Variants in TOPAZ1 observed in about 807,000 individuals in gnomAD.
TOPAZ1 encodes the protein protein TOPAZ1.
A neutral mutation model predicts 172.2 loss-of-function variants in TOPAZ1; 66 were observed. The observed-to-expected ratio is 0.38, with a 90% confidence interval of 0.31 to 0.47. The LOEUF (loss-of-function observed/expected upper bound fraction) is 0.47. Ranked by LOEUF, TOPAZ1 falls within the 20% of genes least tolerant of loss-of-function variation. The pLI is 0.99. For missense variants in TOPAZ1, 1,822 were observed against 1,972.4 expected (o/e 0.92, Z 1.44); for synonymous variants, 681 against 683.9 (o/e 1.00, Z 0.07).
intron 6 of TOPAZ1, among the ~76,000 whole-genome samples, chr3:44,267,618 A>C (rs965405522): frequency 6.6e-6 from 1 of 152,124 alleles, no homozygotes; most frequent in Non-Finnish European, 1.5e-5. Flanking sequence ...TGATGGAACA[A>C]CGTGTGAAAT....
chr3:44,318,438 T>G (rs1009186325), intron 16 of TOPAZ1, among the ~76,000 whole-genome samples: 3 of 132,708 alleles, frequency 2.3e-5, no homozygotes, highest in Non-Finnish European at 4.6e-5. Context: ...GGTGACAGAC[T>G]GAGACTCCAT....
chr3:44,270,078 G>A (rs1699879168), intron 7 of TOPAZ1, among the ~76,000 whole-genome samples: 1 of 152,190 alleles, frequency 6.6e-6, no homozygotes, highest in Admixed American at 6.5e-5. Context: ...AGAAAAAACA[G>A]GCTGAATACT....
intron 2 of TOPAZ1, among the ~76,000 whole-genome samples, chr3:44,250,244 A>T (rs1490323297): frequency 1.4e-4 from 3 of 21,224 alleles, no homozygotes. Flanking sequence ...ATGAAATGAC[A>T]AAAAAAAAAA....
At chr3:44,315,309 A>G (rs1018311535) in intron 16 of TOPAZ1, among the ~76,000 whole-genome samples, 14 of 152,162 alleles carry the variant, frequency 9.2e-5, no homozygotes, top group African/African-American at 3.4e-4. Context: ...ATAAGCATAT[A>G]AACAATGTTA....
At chr3:44,298,957 C>T (rs1700237641) in intron 12 of TOPAZ1, among the ~76,000 whole-genome samples, 1 of 104,592 alleles carries the variant, frequency 9.6e-6, no homozygotes, top group South Asian at 4.3e-4. Flanking sequence ...GAGTCTTGCT[C>T]TGTCACACAG....
chr3:44,242,341 C>T lies in TOPAZ1; in HGVS notation c.288C>T (p.Asp96=). The T allele has an allele frequency of 6.4e-7, 1 of 1,552,330 alleles. No individual in the cohort carries two copies. Among genetic ancestry groups the T allele is most frequent in the East Asian group, 2.4e-5 (1 of 40,920 alleles). The change falls in exon 1 of 20, where the codon GAC becomes GAT. Residue 96 remains aspartate, a synonymous_variant. Transcript: ENST00000309765. ...CGGTGAGCCCGTCAGACTCGTCAGA[C>T]CCGCGAGGCCTAGAAGCAGCAAAGG... ...RGPVSPSDSS[D]PRGLEAAKEA... is the part of the protein sequence containing the mutation.
chr3:44,312,977 G>A (rs770742302), intron 16 of TOPAZ1, among the ~76,000 whole-genome samples: 3 of 151,978 alleles, frequency 2.0e-5, no homozygotes, highest in Non-Finnish European at 4.4e-5. Flanking sequence ...TTGTTATACC[G>A]ACACTTTTAT....
In TOPAZ1 at chr3:44,290,843, G is replaced by C; in HGVS notation, c.3754G>C (p.Ala1252Pro). The C allele has an allele frequency of 6.5e-7, 1 of 1,549,574 alleles. No homozygotes were observed. The highest frequency in any genetic ancestry group is 8.7e-7 in the Non-Finnish European group (1 of 1,146,442). The change falls in exon 12 of 20, where the codon GCT becomes CCT. Residue 1252 changes from alanine to proline, a missense_variant. By Grantham distance (27) the Ala-to-Pro change is conservative. This residue lies in a region of TOPAZ1 where 1,489 missense variants were observed against 1,490.8 expected (regional missense o/e 1.00). Coordinates refer to ENST00000309765, the MANE Select transcript of TOPAZ1 (RefSeq NM_001145030.2). ...TGTTAAGCTTTTATACCAAGTACAAGCTTCCAAACAAGAAATAACTGCAGT... is the reference window on the plus strand; with the variant it reads ...TGTTAAGCTTTTATACCAAGTACAACCTTCCAAACAAGAAATAACTGCAGT... ...YIVKLLYQVQASKQEITAVLE... is the reference protein window; with the variant it reads ...YIVKLLYQVQPSKQEITAVLE...
Position 44,244,784 on chromosome 3 carries a change from T to C in TOPAZ1, c.2278T>C (p.Ser760Pro), listed in dbSNP as rs1167280819. ...SVTPVQASSD[S>P]FYNKKSYSIS... is the part of the protein sequence containing the mutation. ...AACTCCAGTGCAAGCTAGTTCTGAC[T>C]CATTCTACAATAAGAAATCCTATAG... Residue 760 changes from serine (S) to proline (P), a missense_variant, in exon 2 of 20, where the codon TCA becomes CCA. Around this residue, in one of 2 missense-constraint regions of TOPAZ1, gnomAD observed 1,489 missense variants for 1,490.8 expected, o/e 1.00. Coordinates refer to ENST00000309765, the MANE Select transcript of TOPAZ1 (RefSeq NM_001145030.2). 2 of 1,551,606 alleles carry C rather than the reference T, an allele frequency of 1.3e-6. No homozygotes were observed. The highest frequency in any genetic ancestry group is 2.4e-5 in the East Asian group (1 of 40,894).
At chr3:44,292,489 C>A (rs573849194) in intron 12 of TOPAZ1, among the ~76,000 whole-genome samples, 12 of 152,238 alleles carry the variant, frequency 7.9e-5, no homozygotes, top group African/African-American at 2.9e-4. Flanking sequence ...AATCTCGCAC[C>A]AGATTCAGTA....
intron 18 of TOPAZ1, among the ~76,000 whole-genome samples, chr3:44,326,506 G>T (rs1367189328): frequency 2.0e-5 from 3 of 151,224 alleles, no homozygotes; most frequent in African/African-American, 7.3e-5. Flanking sequence ...GGGTTTTTTT[G>T]GTTGTAAGAG....
chr3:44,243,311 G>T lies in TOPAZ1; in HGVS notation c.805G>T (p.Ala269Ser). 1.3e-6 allele frequency: 2 copies of T among 1,551,450 alleles called. No homozygotes were observed. The highest frequency in any genetic ancestry group is 1.7e-6 in the Non-Finnish European group (2 of 1,146,912). Residue 269 changes from alanine to serine, a missense_variant, in exon 2 of 20, where the codon GCA (alanine) becomes TCA (serine). By Grantham distance (99) the Ala-to-Ser change is moderately conservative. This residue lies in a region of TOPAZ1 where 1,489 missense variants were observed against 1,490.8 expected (regional missense o/e 1.00). Coordinates refer to ENST00000309765, the MANE Select transcript of TOPAZ1 (RefSeq NM_001145030.2). The stretch of plus-strand genomic sequence containing the variant: ...AAAGAAAGAAAACCTTAGGAGTCTT[G>T]CAGAGAAGAGTGACACAAATAGTAT... ...FSKKENLRSLAEKSDTNSIPQ... is the reference protein window; with the variant it reads ...FSKKENLRSLSEKSDTNSIPQ...
intron 6 of TOPAZ1, among the ~76,000 whole-genome samples, chr3:44,267,553 C>T (rs147211379): frequency 2.0e-4 from 30 of 152,158 alleles, no homozygotes; most frequent in Middle Eastern, 6.8e-3. Flanking sequence ...CCTCAGCCTC[C>T]CAAAGTGCTG....
chr3:44,331,572 C>A (rs564217304), intron 19 of TOPAZ1, among the ~76,000 whole-genome samples: 2 of 152,274 alleles, frequency 1.3e-5, no homozygotes, highest in Non-Finnish European at 2.9e-5. Flanking sequence ...AGCGATCCCC[C>A]CAACCTGAGC....
intron 9 of TOPAZ1, among the ~76,000 whole-genome samples, 164 bp downstream of exon 9, chr3:44,282,195 T>TA (rs1283326604): frequency 6.6e-6 from 1 of 152,168 alleles, no homozygotes; most frequent in East Asian, 1.9e-4. Flanking sequence ...TTTTGGTTAA[T>TA]AAAAAAATGA....
intron 7 of TOPAZ1, among the ~76,000 whole-genome samples, chr3:44,269,539 A>G (rs1426671320): frequency 1.8e-5 from 2 of 110,488 alleles, no homozygotes; most frequent in Non-Finnish European, 3.3e-5. Flanking sequence ...AGGCTAGAAT[A>G]CAATGGCATG....
chr3:44,312,100 A>G (rs1700403038), intron 16 of TOPAZ1, among the ~76,000 whole-genome samples: 1 of 152,162 alleles, frequency 6.6e-6, no homozygotes. Flanking sequence ...AATGGTAACA[A>G]AGAATTCCAG....
At chr3:44,312,091 A>G (rs1000624836) in intron 16 of TOPAZ1, among the ~76,000 whole-genome samples, 12 of 152,162 alleles carry the variant, frequency 7.9e-5, no homozygotes, top group Admixed American at 3.3e-4. Context: ...TACACCAACA[A>G]TGGTAACAAA....
chr3:44,290,633 T>A (rs891385732), intron 11 of TOPAZ1, 138 bp from the exon 12 acceptor site: 3 of 584,576 alleles, frequency 5.1e-6, no homozygotes, highest in African/African-American at 3.9e-5. Flanking sequence ...TGTGCCTCAA[T>A]TTTTTTAAAT....
Sources: allele counts gnomAD v4.1 joint callset (sites outside exome capture counted in the v4.1 genomes callset), GRCh38; gene constraint gnomAD v4.1.1; regional missense constraint gnomAD v4.1.1; transcripts MANE v1.5; gene names NCBI Gene and HGNC (gene_info 2026-07-23, HGNC 2026-07-21).